DNAH11: variants seen among roughly 807,000 people sequenced by gnomAD.
The protein encoded by DNAH11 is dynein axonemal heavy chain 11.
A neutral mutation model predicts 526.0 loss-of-function variants in DNAH11; 442 were observed. That is an observed-to-expected ratio of 0.84 (90% CI 0.78 to 0.91). The LOEUF (loss-of-function observed/expected upper bound fraction) is 0.91. Among genes scored for constraint, DNAH11 ranks in the 40% least tolerant of loss-of-function variants. DNAH11 has a pLI of 0.00. For synonymous variants in DNAH11, 2,461 were observed against 1,935.9 expected (o/e 1.27, Z -7.12); for missense variants, 6,989 against 5,448.7 (o/e 1.28, Z -8.90).
At chr7:21,800,698 C>A (rs1562554095) in intron 61 of DNAH11, among the ~76,000 whole-genome samples, 2 of 152,176 alleles carry the variant, frequency 1.3e-5, no homozygotes, top group Admixed American at 6.5e-5. Context: ...TAACACCCCT[C>A]TTCACTGCCT....
intron 32 of DNAH11, among the ~76,000 whole-genome samples, chr7:21,686,621 A>G (rs1241712459): frequency 6.6e-6 from 1 of 152,062 alleles, no homozygotes; most frequent in Admixed American, 6.6e-5. Flanking sequence ...AAATAGGTAT[A>G]TGTTATTTGT....
Position 21,606,524 on chromosome 7 carries a change from A to G in DNAH11, c.3747A>G (p.Lys1249=). The change falls in exon 19 of 82, where the codon AAA becomes AAG. Residue 1249 remains lysine (K), a synonymous_variant. Coordinates refer to ENST00000409508, the MANE Select transcript of DNAH11 (RefSeq NM_001277115.2). ...ATGCGGAAGTCACTCTTATAAGGAA[A>G]AAATGTATTTTGTTTGACGTAAGCT... is the stretch of plus-strand genomic sequence containing the variant. The part of the protein sequence containing the change: ...LHNAEVTLIR[K]KCILFDAKQA... 1 of 1,610,602 alleles carries G rather than the reference A, an allele frequency of 6.2e-7. No individual in the cohort carries two copies. Among genetic ancestry groups the G allele is most frequent in the Non-Finnish European group, 8.5e-7 (1 of 1,179,036 alleles).
intron 28 of DNAH11, 42 bp from the exon 29 acceptor site, chr7:21,655,790 C>A: frequency 1.9e-6 from 3 of 1,563,874 alleles, no homozygotes; most frequent in Non-Finnish European, 2.6e-6. Flanking sequence ...AATATACCTA[C>A]AGTAAGAAAT....
chr7:21,543,531 A>C lies in DNAH11; in HGVS notation c.286A>C (p.Ser96Arg). The change falls in exon 1 of 82, where the codon AGC (serine) becomes CGC (arginine). Residue 96 changes from serine to arginine, a missense_variant. Physicochemically the swap from Ser to Arg is moderately radical, Grantham distance 110. Coordinates refer to ENST00000409508, the MANE Select transcript of DNAH11 (RefSeq NM_001277115.2). ...NRQVLGEFLE[S>R]TSPACLVFSF... Reference sequence around the variant, plus strand: ...GCAGGTTCTTGGGGAGTTTCTGGAAAGCACCAGCCCGGCTTGCCTTGTGTT... The same window carrying C: ...GCAGGTTCTTGGGGAGTTTCTGGAACGCACCAGCCCGGCTTGCCTTGTGTT... The C allele has an allele frequency of 6.2e-7, 1 of 1,610,136 alleles. No homozygotes were observed. Among genetic ancestry groups the C allele is most frequent in the Non-Finnish European group, 8.5e-7 (1 of 1,178,244 alleles).
intron 65 of DNAH11, among the ~76,000 whole-genome samples, chr7:21,837,750 A>G (rs891101184): frequency 2.6e-5 from 4 of 152,160 alleles, no homozygotes; most frequent in Non-Finnish European, 4.4e-5. Context: ...TAGGAGGAAT[A>G]CGTTCTGGTG....
rs773471429 is a variant in DNAH11 at position 21,864,565 on chromosome 7, C to G, written c.11404C>G (p.Leu3802Val). 8.1e-6 allele frequency: 13 copies of G among 1,611,964 alleles called. No individual in the cohort carries two copies. In the South Asian group the frequency reaches 1.3e-4, roughly 16 times the overall value. The change falls in exon 70 of 82, where the codon CTT becomes GTT. Residue 3802 changes from leucine to valine, a missense_variant. Transcript: ENST00000409508. Reference sequence around the variant, plus strand: ...GTTGAGAAAGAAAGAGATAGACCCTCTTGAATTGGATTTCCTGCTTCGATT... The same window carrying G: ...GTTGAGAAAGAAAGAGATAGACCCTGTTGAATTGGATTTCCTGCTTCGATT... ...ILLRKKEIDPLELDFLLRFTV... is the reference protein window; with the variant it reads ...ILLRKKEIDPVELDFLLRFTV...
chr7:21,860,933 A>T (rs1783040029), intron 68 of DNAH11, among the ~76,000 whole-genome samples: 3 of 152,170 alleles, frequency 2.0e-5, no homozygotes. Flanking sequence ...ATCAGATCTC[A>T]TGAGAGTTAT....
At chr7:21,702,434 G>A (rs1331448133) in intron 36 of DNAH11, among the ~76,000 whole-genome samples, 1 of 151,954 alleles carries the variant, frequency 6.6e-6, no homozygotes, top group African/African-American at 2.4e-5. Context: ...AGTACAGCAA[G>A]GGAGGTGGAT....
chr7:21,842,481 A>G, intron 65 of DNAH11, 63 bp from the exon 66 acceptor site: 1 of 1,366,354 alleles, frequency 7.3e-7, no homozygotes, highest in Non-Finnish European at 1.0e-6. Flanking sequence ...GAATGGAATG[A>G]CACCGTAGTA....
At chr7:21,721,666 C>G (rs1371479852) in intron 44 of DNAH11, among the ~76,000 whole-genome samples, 1 of 152,142 alleles carries the variant, frequency 6.6e-6, no homozygotes, top group Non-Finnish European at 1.5e-5. Flanking sequence ...CATGAGGACC[C>G]TGTATTCATG....
At chr7:21,597,990 T>C (rs772473861) in intron 14 of DNAH11, among the ~76,000 whole-genome samples, 10 of 152,170 alleles carry the variant, frequency 6.6e-5, no homozygotes, top group Non-Finnish European at 1.3e-4. Context: ...ACAGCATTCC[T>C]GAGAAGGAGC....
chr7:21,799,151 A>G (rs528287748), intron 61 of DNAH11, among the ~76,000 whole-genome samples: 3 of 152,282 alleles, frequency 2.0e-5, no homozygotes, highest in Admixed American at 6.5e-5. Context: ...CATTTTTAAG[A>G]TAATGAAGCT....
intron 65 of DNAH11, among the ~76,000 whole-genome samples, chr7:21,840,812 G>A (rs536626823): frequency 6.6e-6 from 1 of 152,340 alleles, no homozygotes; most frequent in African/African-American, 2.4e-5. Flanking sequence ...AAAGGGTTAA[G>A]TAGAGATGTT....
intron 14 of DNAH11, among the ~76,000 whole-genome samples, chr7:21,593,694 A>T (rs576092629): frequency 3.5e-4 from 53 of 152,220 alleles, no homozygotes; most frequent in African/African-American, 1.1e-3. Context: ...TGCAATGCTG[A>T]TGATGGGAAC....
intron 68 of DNAH11, among the ~76,000 whole-genome samples, chr7:21,856,745 C>G (rs930781487): frequency 6.0e-5 from 9 of 150,990 alleles, no homozygotes; most frequent in African/African-American, 2.2e-4. Context: ...ATGGTCATTT[C>G]AGTTGATGCA....
intron 57 of DNAH11, 30 bp from the exon 58 acceptor site, chr7:21,784,397 C>A (rs150937916): frequency 2.0e-6 from 3 of 1,511,244 alleles, no homozygotes; most frequent in Non-Finnish European, 9.2e-7. Flanking sequence ...ATAATTTATA[C>A]GGGTTTGTGT....
chr7:21,872,585 A>T (rs991679842), intron 73 of DNAH11, among the ~76,000 whole-genome samples: 2 of 152,190 alleles, frequency 1.3e-5, no homozygotes, highest in Non-Finnish European at 2.9e-5. Flanking sequence ...ACCAAGCTAT[A>T]ACCTGTAGGT....
intron 65 of DNAH11, among the ~76,000 whole-genome samples, chr7:21,836,030 A>C (rs190565980): frequency 1.3e-5 from 2 of 152,250 alleles, no homozygotes; most frequent in African/African-American, 4.8e-5. Context: ...AAAAAACCTA[A>C]GAAATTTAAC....
At position 21,801,086 on chromosome 7, in the gene DNAH11, C is replaced by G. The variant is rs1028661341; in HGVS notation, c.10027-51C>G. ...ACAGATGTTTTAAGATGATGGTAAT[C>G]TCTCTGTTTTAACTAAAAATGACTC... On this transcript the variant is annotated intron_variant, in intron 61 of 81. Coordinates refer to ENST00000409508, the MANE Select transcript of DNAH11 (RefSeq NM_001277115.2). 4 of 1,547,676 alleles carry G rather than the reference C, an allele frequency of 2.6e-6. No homozygotes were observed. The East Asian group carries it at 7.1e-5, about 28-fold the overall frequency.
Sources: allele counts gnomAD v4.1 joint callset (sites outside exome capture counted in the v4.1 genomes callset), GRCh38; gene constraint gnomAD v4.1.1; transcripts MANE v1.5; gene names NCBI Gene and HGNC (gene_info 2026-07-23, HGNC 2026-07-21).